The following CENPI variants were observed in gnomAD, a reference collection of about 807,000 sequenced individuals.
The protein encoded by CENPI is FSH primary response 1.
A neutral mutation model predicts 60.4 loss-of-function variants in CENPI; 4 were observed. The ratio of observed to expected loss-of-function variants is 0.07; its 90% CI spans 0.03 to 0.15. The LOEUF (loss-of-function observed/expected upper bound fraction) is 0.15, where lower values mean the gene tolerates loss of function less well. Among genes scored for constraint, CENPI ranks in the 10% least tolerant of loss-of-function variants. The probability of loss-of-function intolerance (pLI) is 1.00; values close to 1 mark genes in which losing one functional copy is unlikely to be tolerated. For missense variants in CENPI, 444 were observed against 534.5 expected, an observed-to-expected ratio of 0.83 and a Z score of 1.67; for synonymous variants, 157 against 189.4, an observed-to-expected ratio of 0.83 and a Z score of 1.40.
At position 101,101,179 on chromosome X, in the gene CENPI, A is replaced by C; in HGVS notation, c.109A>C (p.Ser37Arg). The C allele has an allele frequency of 8.3e-7, 1 of 1,208,836 alleles. No homozygotes were observed. The highest frequency in any genetic ancestry group is 1.1e-6 in the Non-Finnish European group (1 of 892,930). Reference protein sequence around the residue: ...LSAWKVKQDPSNSKNISKHGQ... With the variant: ...LSAWKVKQDPRNSKNISKHGQ... Reference sequence around the variant, plus strand: ...AGCCTGGAAAGTAAAACAGGATCCAAGCAACTCGAAGAACATCTCAAAACA... The same window carrying C: ...AGCCTGGAAAGTAAAACAGGATCCACGCAACTCGAAGAACATCTCAAAACA... Residue 37 changes from serine (S) to arginine (R), a missense_variant, in exon 3 of 22, where the codon AGC becomes CGC. Coordinates refer to ENST00000682095, the MANE Select transcript of CENPI (RefSeq NM_001386188.2).
chrX:101,161,354 T>C (rs1044859206), intron 20 of CENPI, among the ~76,000 whole-genome samples, 174 bp from the exon 21 acceptor site: 1 of 112,510 alleles, frequency 8.9e-6, no homozygotes, highest in South Asian at 3.6e-4. Context: ...TTAAAGCTGA[T>C]GGATATTTGA....
Position 101,161,768 on chromosome X carries a change from A to G in CENPI, c.2136+199A>G, listed in dbSNP as rs112993398. Among the ~76,000 whole-genome samples, 17,797 of 110,631 alleles carry G rather than the reference A, an allele frequency of 0.16. 1,110 individuals carry two copies. The highest frequency in any genetic ancestry group is 0.24 in the Middle Eastern group (52 of 217). On this transcript the variant is annotated intron_variant, in intron 21 of 21. Coordinates refer to ENST00000682095, the MANE Select transcript of CENPI (RefSeq NM_001386188.2). ...TATTCTTTCTAGTCTTATCTAGGAT[A>G]TAACTTTTGATAGTTACAGTTGCAT...
rs763815677 is a variant in CENPI, at chrX:101,101,211, A to C, written c.141A>C (p.Gln47His). The change falls in exon 3 of 22, where the codon CAA becomes CAC. Residue 47 changes from glutamine (Q) to histidine (H), a missense_variant. Gln to His is a conservative substitution (Grantham distance 24, BLOSUM62 0). Coordinates refer to ENST00000682095, the MANE Select transcript of CENPI (RefSeq NM_001386188.2). ...SNSKNISKHG[Q>H]NNPVGDYEHA... is the part of the protein sequence containing the mutation. Reference sequence around the variant, plus strand: ...CGAAGAACATCTCAAAACATGGACAAAACAATCCAGTGGGAGATTATGAAC... The same window carrying C: ...CGAAGAACATCTCAAAACATGGACACAACAATCCAGTGGGAGATTATGAAC... The C allele has an allele frequency of 8.3e-7, 1 of 1,208,887 alleles. No individual in the cohort carries two copies. The highest frequency in any genetic ancestry group is 1.1e-6 in the Non-Finnish European group (1 of 894,261).
chrX:101,102,112 G>A (rs1285176693), intron 3 of CENPI, among the ~76,000 whole-genome samples, 162 bp from the exon 4 acceptor site: 1 of 112,338 alleles, frequency 8.9e-6, no homozygotes, highest in African/African-American at 3.2e-5. Context: ...GGCCTCAAGT[G>A]ATCCTCTTAC....
At chrX:101,162,677 T>G (rs1164084925) in intron 21 of CENPI, among the ~76,000 whole-genome samples, 156 bp from the exon 22 acceptor site, 1 of 109,416 alleles carries the variant, frequency 9.1e-6, no homozygotes, top group East Asian at 2.8e-4. Context: ...CTTTCTGGTT[T>G]AAATGTTACT....
chrX:101,115,474 C>T (rs1602780568), intron 6 of CENPI, among the ~76,000 whole-genome samples: 1 of 110,502 alleles, frequency 9.0e-6, no homozygotes, highest in East Asian at 2.9e-4. Flanking sequence ...AATGAGTCAT[C>T]CACTTCATCC....
chrX:101,146,099 T>G, intron 17 of CENPI, 54 bp from the exon 18 acceptor site: 1 of 1,102,033 alleles, frequency 9.1e-7, no homozygotes, highest in Non-Finnish European at 1.2e-6. Context: ...GTGAACTTAG[T>G]TGAGGAGTTC....
rs1296920369 is a variant in CENPI, at chrX:101,120,394, T to C, written c.592-8T>C. The C allele has an allele frequency of 3.4e-6, 3 of 891,713 alleles. No individual in the cohort carries two copies. Among genetic ancestry groups the C allele is most frequent in the African/African-American group, 3.9e-5 (2 of 51,266 alleles). The allele number at this position is 891,713 out of a possible 1,213,427, so 73.5% of individuals were successfully genotyped here. ...CATTTCTCTTAATATTTTTTTATGT[T>C]TTAACAGTGCCCTTATGTTTGCCAT... On this transcript the variant is annotated splice_region_variant and splice_polypyrimidine_tract_variant and intron_variant, in intron 6 of 21. Transcript: ENST00000682095.
the CENPI span, among the ~76,000 whole-genome samples, chrX:101,178,031 G>A: frequency 1.8e-5 from 2 of 111,567 alleles, no homozygotes; most frequent in Non-Finnish European, 3.8e-5. Context: ...CATTTTTCAG[G>A]CAGCTTATTC....
At chrX:101,110,137 A>G (rs1000949095) in intron 6 of CENPI, 139 bp downstream of exon 6, 12 of 362,593 alleles carry the variant, frequency 3.3e-5, no homozygotes, top group African/African-American at 3.1e-4. Context: ...AAATGTACCA[A>G]GATAACGTAG....
At chrX:101,156,750 G>GC (rs1569504150) in intron 20 of CENPI, among the ~76,000 whole-genome samples, 2 of 104,043 alleles carry the variant, frequency 1.9e-5, no homozygotes. Context: ...AATATACGAT[G>GC]TTTTTTTTTT....
chrX:101,131,649 T>C (rs1320498283), intron 13 of CENPI, among the ~76,000 whole-genome samples: 1 of 111,250 alleles, frequency 9.0e-6, no homozygotes, highest in East Asian at 2.8e-4. Context: ...ATTCATGTCA[T>C]GAAAAGAAGG....
chrX:101,101,150 T>A lies in CENPI; in HGVS notation c.80T>A (p.Leu27His). The A allele has an allele frequency of 8.3e-7, 1 of 1,211,169 alleles. No individual in the cohort carries two copies. The highest frequency in any genetic ancestry group is 1.8e-5 in the South Asian group (1 of 56,973). The change falls in exon 3 of 22, where the codon CTT (leucine) becomes CAT (histidine). Residue 27 changes from leucine (L) to histidine (H), a missense_variant. By Grantham distance (99) the Leu-to-His change is moderately conservative. Transcript: ENST00000682095. The stretch of plus-strand genomic sequence containing the variant: ...GGTAGTAGTAGTTTTCAGACCACGC[T>A]TTCAGCCTGGAAAGTAAAACAGGAT... ...SQGSSSFQTT[L>H]SAWKVKQDPS...
In CENPI at chrX:101,120,538, G is replaced by A. The variant is rs975000248; in HGVS notation, c.640+88G>A. On this transcript the variant is annotated intron_variant, in intron 7 of 21. Coordinates refer to ENST00000682095, the MANE Select transcript of CENPI (RefSeq NM_001386188.2). ...AAAGTTAAAATAACTATTAGCATTA[G>A]TTATATGACAGAAGTCATTTTGTGG... is the stretch of plus-strand genomic sequence containing the variant. 1.5e-5 allele frequency: 9 copies of A among 607,804 alleles called. No individual in the cohort carries two copies. In the Admixed American group the frequency reaches 1.6e-4, roughly 11 times the overall value. 50.1% of individuals were successfully genotyped at this position (607,804 alleles called of 1,213,427 possible). A position where few individuals can be genotyped will look rare whatever the true frequency, so the allele number is the denominator to read the frequency against.
At chrX:101,152,188 C>T (rs947390090) in intron 20 of CENPI, among the ~76,000 whole-genome samples, 2 of 109,843 alleles carry the variant, frequency 1.8e-5, no homozygotes, top group Non-Finnish European at 3.8e-5. Context: ...CCTCAGCCCC[C>T]GATAGCTGGG....
chrX:101,161,670 C>A, intron 21 of CENPI, 101 bp downstream of exon 21: 1 of 731,536 alleles, frequency 1.4e-6, no homozygotes, highest in Non-Finnish European at 2.1e-6. Flanking sequence ...AGCCTGCTGC[C>A]TCCACAAAGT....
chrX:101,121,050 GT>G (rs2089672858), intron 8 of CENPI, among the ~76,000 whole-genome samples: 1 of 109,487 alleles, frequency 9.1e-6, no homozygotes, highest in South Asian at 4.0e-4. Context: ...TAACTTTTGT[GT>G]TTTTTGGTAG....
At chrX:101,156,102 T>C (rs10284091) in intron 20 of CENPI, among the ~76,000 whole-genome samples, 14,750 of 110,437 alleles carry the variant, frequency 0.13, 728 homozygotes, top group Middle Eastern at 0.22. Context: ...AACCTCTGCC[T>C]CCTGGGTTCA....
intron 8 of CENPI, among the ~76,000 whole-genome samples, chrX:101,121,168 G>A (rs1468716266): frequency 1.8e-5 from 2 of 111,045 alleles, no homozygotes; most frequent in Non-Finnish European, 3.8e-5. Context: ...AAGCCACCGC[G>A]CCTGGCCTAT....
Sources: allele counts gnomAD v4.1 joint callset (sites outside exome capture counted in the v4.1 genomes callset), GRCh38; gene constraint gnomAD v4.1.1; transcripts MANE v1.5; gene names NCBI Gene and HGNC (gene_info 2026-07-23, HGNC 2026-07-21).